The following PARP6 variants were observed in gnomAD, a reference collection of about 807,000 sequenced individuals.
PARP6 encodes the protein poly(ADP-ribose) polymerase family member 6, also known as protein mono-ADP-ribosyltransferase PARP6.
Under a neutral mutation model 92.0 loss-of-function variants are expected in PARP6, and 27 were observed. That is an observed-to-expected ratio of 0.29 (90% confidence interval 0.22 to 0.40). PARP6 has a LOEUF of 0.40. Ranked by LOEUF, PARP6 falls within the 10% of genes least tolerant of loss-of-function variation. The pLI, the probability that PARP6 is intolerant of heterozygous loss-of-function variation, is 1.00. For missense variants in PARP6, 501 were observed against 784.5 expected, an observed-to-expected ratio of 0.64 and a Z score of 4.32; for synonymous variants, 272 against 281.2, an observed-to-expected ratio of 0.97 and a Z score of 0.33.
chr15:72,249,849 A>G (rs1287583564), intron 19 of PARP6, among the ~76,000 whole-genome samples, 171 bp downstream of exon 19: 1 of 152,192 alleles, frequency 6.6e-6, no homozygotes, highest in Non-Finnish European at 1.5e-5. Context: ...CAAATACACA[A>G]CAGCCACGTT....
chr15:72,258,978 TTATAA>T (rs1317509634), intron 11 of PARP6, among the ~76,000 whole-genome samples: 1 of 152,214 alleles, frequency 6.6e-6, no homozygotes, highest in Admixed American at 6.5e-5. Context: ...TGTGGCATGT[TTATAA>T]ATTAATAACA....
chr15:72,253,637 G>T, intron 15 of PARP6, 133 bp from the exon 16 acceptor site: 1 of 735,444 alleles, frequency 1.4e-6, no homozygotes. Context: ...AAAGGAGATA[G>T]GGTTCCCACC....
intron 11 of PARP6, 26 bp downstream of exon 11, chr15:72,259,582 C>CGGAGTA: frequency 6.2e-7 from 1 of 1,610,402 alleles, no homozygotes; most frequent in South Asian, 1.1e-5. Context: ...GGAAGGGCTT[C>CGGAGTA]GGAGTGACAA....
intron 16 of PARP6, 30 bp from the exon 17 acceptor site, chr15:72,251,285 A>T (rs778627768): frequency 6.9e-7 from 1 of 1,447,566 alleles, no homozygotes. Flanking sequence ...AATAAAAAGG[A>T]TAGAATAATT....
intron 8 of PARP6, among the ~76,000 whole-genome samples, chr15:72,263,222 C>T (rs552428716): frequency 3.3e-5 from 5 of 152,330 alleles, no homozygotes; most frequent in African/African-American, 1.2e-4. Flanking sequence ...TTTTCCACTA[C>T]TCTTTGGCCC....
intron 5 of PARP6, 79 bp downstream of exon 5, chr15:72,265,818 A>G: frequency 3.1e-6 from 3 of 952,538 alleles, no homozygotes; most frequent in Non-Finnish European, 5.1e-6. Context: ...ATCATACCAT[A>G]AAAAGAAAAA....
chr15:72,241,453 C>T lies in PARP6; in HGVS notation c.*2G>A, dbSNP rs1338153355. ...AGGGGTGGTACGAGGGCTGGGGCCC[C>T]CTCAGTTTGTGTAAACCTGAGTTCC... On this transcript the variant is annotated 3_prime_UTR_variant, in exon 24 of 24. Transcript: ENST00000569795. The surrounding 1 kb of genome is among the most constrained non-coding windows in gnomAD (Gnocchi z 4.1). 5.0e-6 allele frequency: 8 copies of T among 1,611,328 alleles called. No homozygotes were observed. Among genetic ancestry groups the T allele is most frequent in the Non-Finnish European group, 6.8e-6 (8 of 1,177,488 alleles).
Position 72,249,124 on chromosome 15 carries a change from C to T in PARP6, c.1561+121G>A, listed in dbSNP as rs184245309. 1,380 of 498,448 alleles carry T rather than the reference C, an allele frequency of 2.8e-3. 9 individuals are homozygous for T. The highest frequency in any genetic ancestry group is 0.018 in the South Asian group (441 of 25,058). 30.9% of individuals were successfully genotyped at this position (498,448 alleles called of 1,614,324 possible). Reference sequence around the variant, plus strand: ...GAGAGAGAGAATATGTATCCATGATCGGGGAGAGAGCTGACACAGACCAAG... The same window carrying T: ...GAGAGAGAGAATATGTATCCATGATTGGGGAGAGAGCTGACACAGACCAAG... On this transcript the variant is annotated intron_variant, in intron 20 of 23. Transcript: ENST00000569795.
At chr15:72,262,698 A>C (rs975310252) in intron 8 of PARP6, among the ~76,000 whole-genome samples, 2 of 152,138 alleles carry the variant, frequency 1.3e-5, no homozygotes, top group Non-Finnish European at 2.9e-5. Context: ...AATCCGATGG[A>C]AACTCCCAGG....
At chr15:72,264,021 CAAA>C (rs34865114) in intron 8 of PARP6, among the ~76,000 whole-genome samples, 12 of 96,460 alleles carry the variant, frequency 1.2e-4, no homozygotes, top group Non-Finnish European at 1.1e-4. Context: ...ACTCTGTCTC[CAAA>C]AAAAAAAAAA....
intron 16 of PARP6, among the ~76,000 whole-genome samples, chr15:72,252,787 G>A (rs8028113): frequency 0.99 from 150,394 of 152,322 alleles, 74,283 homozygotes; most frequent in Middle Eastern, 1. Flanking sequence ...ACCCGGCCCT[G>A]TAATTTCTAT....
chr15:72,255,990 G>C (rs1221240906), intron 14 of PARP6, among the ~76,000 whole-genome samples: 2 of 151,020 alleles, frequency 1.3e-5, no homozygotes, highest in Non-Finnish European at 3.0e-5. Flanking sequence ...GTAGAGACAG[G>C]GTTTCACCAT....
intron 20 of PARP6, chr15:72,243,290 G>T (rs2083267778): frequency 6.6e-6 from 1 of 152,156 alleles, no homozygotes; most frequent in Admixed American, 6.6e-5. Context: ...GCCCAGGAGA[G>T]TGGGACATCA....
intron 9 of PARP6, among the ~76,000 whole-genome samples, chr15:72,261,348 TTC>T (rs2085861021): frequency 6.6e-6 from 1 of 152,234 alleles, no homozygotes; most frequent in Admixed American, 6.5e-5. Context: ...GAGCTAGGTA[TTC>T]TGTTTTACAT....
intron 9 of PARP6, 86 bp from the exon 10 acceptor site, chr15:72,260,774 C>T: frequency 1.0e-6 from 1 of 985,484 alleles, no homozygotes; most frequent in South Asian, 1.3e-5. Flanking sequence ...AGCCCTAAGC[C>T]AAAAGTTCTA....
At chr15:72,255,280 T>G (rs1462612177) in intron 14 of PARP6, among the ~76,000 whole-genome samples, 1 of 152,066 alleles carries the variant, frequency 6.6e-6, no homozygotes, top group Non-Finnish European at 1.5e-5. Context: ...TGAGGCAGAG[T>G]CTCGCTCTGT....
intron 4 of PARP6, 25 bp from the exon 5 acceptor site, chr15:72,266,016 T>C (rs745938155): frequency 1.1e-5 from 15 of 1,426,190 alleles, no homozygotes; most frequent in African/African-American, 2.8e-5. Flanking sequence ...AAAATGGTGG[T>C]GGAGAGAGGT....
intron 8 of PARP6, among the ~76,000 whole-genome samples, chr15:72,263,899 T>C (rs1382932947): frequency 9.9e-5 from 15 of 151,848 alleles, no homozygotes; most frequent in Admixed American, 9.8e-4. Context: ...GGTGGGTGAC[T>C]GTAATCCCAG....
intron 8 of PARP6, 52 bp downstream of exon 8, chr15:72,264,503 C>T (rs543657200): frequency 4.6e-5 from 63 of 1,360,886 alleles, no homozygotes; most frequent in Non-Finnish European, 6.2e-5. Flanking sequence ...ATATTTCCAC[C>T]TCTCTCTCCT....
Sources: gnomAD v4.1 joint callset for allele counts (sites outside exome capture counted in the v4.1 genomes callset) on GRCh38, gnomAD v4.1.1 for gene constraint, Gnocchi (gnomAD v3.1) non-coding constraint, MANE v1.5 for transcripts, NCBI Gene and HGNC (gene_info 2026-07-23, HGNC 2026-07-21) for gene names.